The following RPAP2 variants were observed in gnomAD, a reference collection of about 807,000 sequenced individuals.
RPAP2 encodes the protein RNA polymerase II associated protein 2, also known as putative RNA polymerase II subunit B1 CTD phosphatase RPAP2.
A neutral mutation model predicts 73.1 loss-of-function variants in RPAP2; 52 were observed. The ratio of observed to expected loss-of-function variants is 0.71; its 90% CI spans 0.57 to 0.90. RPAP2 has a LOEUF of 0.90. Among genes scored for constraint, RPAP2 ranks in the 40% least tolerant of loss-of-function variants. The pLI is 0.00. For synonymous variants in RPAP2, 225 were observed against 242.1 expected, an observed-to-expected ratio of 0.93 and a Z score of 0.65; for missense variants, 598 against 701.8, an observed-to-expected ratio of 0.85 and a Z score of 1.67.
At chr1:92,308,122 C>T (rs1031844992) in intron 6 of RPAP2, among the ~76,000 whole-genome samples, 7 of 151,788 alleles carry the variant, frequency 4.6e-5, no homozygotes, top group African/African-American at 1.2e-4. Context: ...ATGCGTAAGG[C>T]GATGTAACAC....
At chr1:92,361,077 C>CATAT (rs375121467) in intron 11 of RPAP2, among the ~76,000 whole-genome samples, 5 of 142,626 alleles carry the variant, frequency 3.5e-5, no homozygotes, top group Admixed American at 7.4e-5. Context: ...AAGCAAAAAG[C>CATAT]ATATATATAT....
chr1:92,302,963 C>G (rs1435192597), intron 3 of RPAP2, among the ~76,000 whole-genome samples: 6 of 151,928 alleles, frequency 3.9e-5, no homozygotes, highest in Non-Finnish European at 7.4e-5. Flanking sequence ...CTTTGGGAAG[C>G]CAAGGCGGTA....
Position 92,390,812 on chromosome 1 carries a change from T to C in RPAP2, c.*3801T>C, listed in dbSNP as rs1300629598. ...AGAGACAAAGAAGGTCATTACATAATGGTAAAGGGATCAATTCAACAAGAA... is the reference window on the plus strand; with the variant it reads ...AGAGACAAAGAAGGTCATTACATAACGGTAAAGGGATCAATTCAACAAGAA... On this transcript the variant is annotated 3_prime_UTR_variant, in exon 13 of 13. Coordinates refer to ENST00000610020, the MANE Select transcript of RPAP2 (RefSeq NM_024813.3). 6.6e-6 allele frequency: 1 copy of C among 152,170 alleles called. No individual in the cohort carries two copies. Among genetic ancestry groups the C allele is most frequent in the Non-Finnish European group, 1.5e-5 (1 of 68,036 alleles). 9.4% of individuals were successfully genotyped at this position (152,170 alleles called of 1,614,324 possible).
intron 11 of RPAP2, among the ~76,000 whole-genome samples, chr1:92,356,585 AT>A (rs57838216): frequency 0.11 from 5,896 of 51,724 alleles, 397 homozygotes; most frequent in African/African-American, 0.26. Flanking sequence ...CTCCTGGCTA[AT>A]TTTTTTTTTT....
chr1:92,312,451 A>C (rs1014858067), intron 6 of RPAP2, among the ~76,000 whole-genome samples: 1 of 152,132 alleles, frequency 6.6e-6, no homozygotes, highest in Non-Finnish European at 1.5e-5. Flanking sequence ...CAGTCCTCTC[A>C]AACTTCATTG....
intron 8 of RPAP2, among the ~76,000 whole-genome samples, chr1:92,331,447 A>G (rs1190598213): frequency 6.6e-6 from 1 of 152,064 alleles, no homozygotes; most frequent in Non-Finnish European, 1.5e-5. Context: ...GCATTGAATC[A>G]TTATTCCATT....
chr1:92,334,049 G>GT (rs944906891), intron 9 of RPAP2, among the ~76,000 whole-genome samples: 13 of 151,470 alleles, frequency 8.6e-5, no homozygotes, highest in South Asian at 6.3e-4. Context: ...GAACTTGAAG[G>GT]TTTTTTTTTC....
chr1:92,314,604 G>A (rs973411966), intron 6 of RPAP2, among the ~76,000 whole-genome samples: 1 of 149,994 alleles, frequency 6.7e-6, no homozygotes, highest in African/African-American at 2.5e-5. Context: ...ACAAAAATAG[G>A]TGGTGGCATG....
chr1:92,350,360 A>C (rs1406014424), intron 11 of RPAP2, among the ~76,000 whole-genome samples: 1 of 152,168 alleles, frequency 6.6e-6, no homozygotes, highest in Admixed American at 6.5e-5. Flanking sequence ...TAACAGTGAT[A>C]ATTGATTGAC....
rs1374060343 is a variant in RPAP2, at chr1:92,345,455, C to CAGAGGGAGGGAGGGAA, written c.1620-384_1620-369dup. Reference sequence around the variant, plus strand: ...AGGAAGGAAGGGAGGGAGGGAGGGACAGAGGGAGGGAGGGAAAGAGGGGAG... The same window carrying CAGAGGGAGGGAGGGAA: ...AGGAAGGAAGGGAGGGAGGGAGGGACAGAGGGAGGGAGGGAAAGAGGGAGGGAGGGAAAGAGGGGAG... On this transcript the variant is annotated intron_variant, in intron 10 of 12. Coordinates refer to ENST00000610020, the MANE Select transcript of RPAP2 (RefSeq NM_024813.3). 3.3e-4 allele frequency among the ~76,000 whole-genome samples: 26 copies of CAGAGGGAGGGAGGGAA among 78,180 alleles called. No individual in the cohort carries two copies. The East Asian group carries it at 4.0e-3, about 12-fold the overall frequency. 51.3% of individuals were successfully genotyped at this position (78,180 alleles called of 152,430 possible).
At position 92,300,172 on chromosome 1, in the gene RPAP2, CAT is replaced by C. The variant is rs1650712388; in HGVS notation, c.74-21_74-20del. 1.3e-6 allele frequency: 2 copies of C among 1,573,886 alleles called. No homozygotes were observed. The highest frequency in any genetic ancestry group is 1.4e-5 in the African/African-American group (1 of 73,454). ...TTTACGGAAATGTCATTATGTAGCACATGACTGTATTTTTATTGTAGGTACTA... is the reference window on the plus strand; with the variant it reads ...TTTACGGAAATGTCATTATGTAGCACGACTGTATTTTTATTGTAGGTACTA... On this transcript the variant is annotated intron_variant, in intron 1 of 12. Transcript: ENST00000610020.
Position 92,324,165 on chromosome 1 carries a change from T to C in RPAP2, c.1245T>C (p.Asp415=). 1 of 1,614,172 alleles carries C rather than the reference T, an allele frequency of 6.2e-7. No individual in the cohort carries two copies. Among genetic ancestry groups the C allele is most frequent in the Non-Finnish European group, 8.5e-7 (1 of 1,180,014 alleles). Residue 415 remains aspartate, a synonymous_variant, in exon 8 of 13, where the codon GAT becomes GAC. Transcript: ENST00000610020. ...TTGATGAAGATGACATAATCTCAGATCCAGATAGTCATTTCCCTGCCTGGA... is the reference window on the plus strand; with the variant it reads ...TTGATGAAGATGACATAATCTCAGACCCAGATAGTCATTTCCCTGCCTGGA... ...EELDEDDIIS[D]PDSHFPAWRE... is the part of the protein sequence containing the mutation.
At chr1:92,363,776 T>C in intron 11 of RPAP2, 1 of 303,612 alleles carries the variant, frequency 3.3e-6, no homozygotes, top group Admixed American at 3.7e-5. Context: ...GAATAGTAAA[T>C]ATATTTTCTC....
At chr1:92,384,689 G>A (rs549596267) in intron 12 of RPAP2, among the ~76,000 whole-genome samples, 2 of 151,916 alleles carry the variant, frequency 1.3e-5, no homozygotes, top group South Asian at 4.2e-4. Flanking sequence ...GTCTTTTCAA[G>A]TGATCCTGCT....
rs908069647 is a variant in RPAP2, at chr1:92,391,118, T to C, written c.*4107T>C. 1.3e-5 allele frequency: 2 copies of C among 152,170 alleles called. No individual in the cohort carries two copies. The highest frequency in any genetic ancestry group is 4.8e-5 in the African/African-American group (2 of 41,450). 9.4% of individuals were successfully genotyped at this position (152,170 alleles called of 1,614,324 possible). A position where few individuals can be genotyped will look rare whatever the true frequency, so the allele number is the denominator to read the frequency against. On this transcript the variant is annotated 3_prime_UTR_variant, in exon 13 of 13. Coordinates refer to ENST00000610020, the MANE Select transcript of RPAP2 (RefSeq NM_024813.3). ...GCACCACATCACACTTATTCCAAAA[T>C]TGACCACATAATTGGAAGTAAAGCA...
chr1:92,333,707 T>C (rs1279266874), intron 9 of RPAP2, among the ~76,000 whole-genome samples: 1 of 152,196 alleles, frequency 6.6e-6, no homozygotes, highest in African/African-American at 2.4e-5. Context: ...GTTGAGATTG[T>C]GGGTTTAGAA....
intron 6 of RPAP2, among the ~76,000 whole-genome samples, chr1:92,316,115 A>G (rs1449381004): frequency 2.6e-5 from 4 of 152,226 alleles, no homozygotes; most frequent in Non-Finnish European, 4.4e-5. Flanking sequence ...TAAATCTAAG[A>G]AGGACAAATG....
At chr1:92,330,453 T>C (rs1652897207) in intron 8 of RPAP2, among the ~76,000 whole-genome samples, 1 of 140,588 alleles carries the variant, frequency 7.1e-6, no homozygotes, top group Admixed American at 7.1e-5. Flanking sequence ...TTTTTTTTTT[T>C]TTTTTTTTTT....
intron 9 of RPAP2, among the ~76,000 whole-genome samples, chr1:92,335,132 T>C (rs912945532): frequency 2.0e-5 from 3 of 152,136 alleles, no homozygotes; most frequent in Non-Finnish European, 4.4e-5. Context: ...CCATAGTGGG[T>C]GTACTAATTT....
Sources: gnomAD v4.1 joint callset for allele counts (sites outside exome capture counted in the v4.1 genomes callset) on GRCh38, gnomAD v4.1.1 for gene constraint, MANE v1.5 for transcripts, NCBI Gene and HGNC (gene_info 2026-07-23, HGNC 2026-07-21) for gene names.